Variants in NHS observed in about 807,000 individuals in gnomAD.
NHS encodes NHS actin remodeling regulator, also known as actin remodeling regulator NHS.
A neutral mutation model predicts 72.5 loss-of-function variants in NHS; 5 were observed. The ratio of observed to expected loss-of-function variants is 0.07; its 90% CI spans 0.04 to 0.14. The LOEUF (loss-of-function observed/expected upper bound fraction) is 0.14. NHS is among the 10% of genes least tolerant of loss of function. The pLI, the probability that NHS is intolerant of heterozygous loss-of-function variation, is 1.00. For synonymous variants in NHS, 464 were observed against 547.7 expected, an observed-to-expected ratio of 0.85 and a Z score of 2.13; for missense variants, 1,072 against 1,355.7, an observed-to-expected ratio of 0.79 and a Z score of 3.29.
At chrX:17,450,178 T>C (rs899249475) in intron 1 of NHS, among the ~76,000 whole-genome samples, 2 of 111,696 alleles carry the variant, frequency 1.8e-5, no homozygotes, top group East Asian at 5.6e-4. Context: ...CGTACCAGGA[T>C]TCTCACTTTC....
chrX:17,454,689 G>A (rs1383123800), intron 1 of NHS, among the ~76,000 whole-genome samples: 1 of 112,097 alleles, frequency 8.9e-6, no homozygotes, highest in Non-Finnish European at 1.9e-5. Flanking sequence ...TCAGTATTAA[G>A]TTGCCTTCTA....
chrX:17,470,501 G>A (rs1253268862), intron 1 of NHS, among the ~76,000 whole-genome samples: 1 of 111,588 alleles, frequency 9.0e-6, no homozygotes, highest in African/African-American at 3.3e-5. Context: ...GTAATCCTTC[G>A]TGCTTACCCT....
intron 1 of NHS, among the ~76,000 whole-genome samples, chrX:17,551,052 A>G (rs919328092): frequency 8.9e-6 from 1 of 111,764 alleles, no homozygotes; most frequent in African/African-American, 3.3e-5. Context: ...TATGTCCTTC[A>G]GAATTCACCT....
chrX:17,710,382 A>G (rs1343295826), intron 3 of NHS, among the ~76,000 whole-genome samples: 1 of 112,550 alleles, frequency 8.9e-6, no homozygotes, highest in Non-Finnish European at 1.9e-5. Context: ...TCAGGTTGAC[A>G]TTCTGTTGCA....
chrX:17,617,993 G>A (rs2065754727), intron 1 of NHS, among the ~76,000 whole-genome samples: 2 of 112,160 alleles, frequency 1.8e-5, no homozygotes, highest in African/African-American at 6.5e-5. Context: ...TGTGAAAAAT[G>A]TGTGCAGGCC....
intron 1 of NHS, among the ~76,000 whole-genome samples, chrX:17,671,941 CA>C (rs1569305493): frequency 9.0e-6 from 1 of 111,702 alleles, no homozygotes; most frequent in Non-Finnish European, 1.9e-5. Flanking sequence ...GGTAAGATAC[CA>C]AAGCACTGGA....
At chrX:17,587,307 C>T (rs901456684) in intron 1 of NHS, 1 of 112,088 alleles carries the variant, frequency 8.9e-6, no homozygotes, top group African/African-American at 3.2e-5. Flanking sequence ...AGTGTTCCTT[C>T]CCTTCCTCAC....
chrX:17,690,635 C>A (rs764077368), intron 2 of NHS, among the ~76,000 whole-genome samples: 1 of 112,120 alleles, frequency 8.9e-6, no homozygotes, highest in South Asian at 3.8e-4. Context: ...GTATGCTGCC[C>A]ACAAGGAATC....
intron 1 of NHS, among the ~76,000 whole-genome samples, chrX:17,656,232 G>A (rs2065954493): frequency 8.8e-6 from 1 of 113,100 alleles, no homozygotes; most frequent in African/African-American, 3.2e-5. Context: ...TTCTGCACCA[G>A]GGGAACGATG....
chrX:17,660,876 C>T (rs1278330719), intron 1 of NHS, among the ~76,000 whole-genome samples: 1 of 112,600 alleles, frequency 8.9e-6, no homozygotes, highest in Non-Finnish European at 1.9e-5. Context: ...AAGGTAAAGT[C>T]TGAAGCTTCT....
At chrX:17,390,490 A>G (rs2064438925) in intron 1 of NHS, among the ~76,000 whole-genome samples, 1 of 110,571 alleles carries the variant, frequency 9.0e-6, no homozygotes, top group African/African-American at 3.3e-5. Context: ...GCAGGAATAA[A>G]TACCACAGAA....
At chrX:17,539,893 G>T (rs2065254420) in intron 1 of NHS, among the ~76,000 whole-genome samples, 1 of 112,247 alleles carries the variant, frequency 8.9e-6, no homozygotes, top group Non-Finnish European at 1.9e-5. Flanking sequence ...CTTGTCACCT[G>T]CCTCAGCAAA....
intron 1 of NHS, among the ~76,000 whole-genome samples, chrX:17,566,544 A>G (rs148448385): frequency 0.026 from 2,934 of 111,242 alleles, 87 homozygotes; most frequent in Admixed American, 0.072. Context: ...TTCCTCAGTA[A>G]ATTTATGGAC....
Position 17,731,917 on chromosome X carries a change from C to T in NHS, c.4409C>T (p.Ser1470Leu), listed in dbSNP as rs950785993. 17 of 1,210,285 alleles carry T rather than the reference C, an allele frequency of 1.4e-5. No individual in the cohort carries two copies. Among genetic ancestry groups the T allele is most frequent in the Non-Finnish European group, 1.8e-5 (16 of 894,569 alleles). ...GGGGACATGTCTGTTCGAAGCAAATCGAGAGCTCCCCTCAGCAGTAGCAGC... is the reference window on the plus strand; with the variant it reads ...GGGGACATGTCTGTTCGAAGCAAATTGAGAGCTCCCCTCAGCAGTAGCAGC... ...DSGDMSVRSK[S>L]RAPLSSSSSS... is the part of the protein sequence containing the mutation. The change falls in exon 9 of 9, where the codon TCG becomes TTG. Residue 1470 changes from serine (S) to leucine (L), a missense_variant. Physicochemically the swap from Ser to Leu is moderately radical, Grantham distance 145. Transcript: ENST00000676302.
intron 1 of NHS, among the ~76,000 whole-genome samples, chrX:17,535,534 C>T (rs2065218924): frequency 9.0e-6 from 1 of 111,290 alleles, no homozygotes; most frequent in South Asian, 3.8e-4. Flanking sequence ...TAGCGCCCAC[C>T]ATGGTATATT....
At chrX:17,618,566 G>A (rs1425596784) in intron 1 of NHS, among the ~76,000 whole-genome samples, 1 of 111,788 alleles carries the variant, frequency 8.9e-6, no homozygotes, top group Non-Finnish European at 1.9e-5. Context: ...GCTCACTTTG[G>A]AATAGAGACA....
chrX:17,593,397 C>T (rs1252207367), intron 1 of NHS, among the ~76,000 whole-genome samples: 2 of 110,775 alleles, frequency 1.8e-5, no homozygotes, highest in East Asian at 5.7e-4. Flanking sequence ...TGGGAAGGAA[C>T]ATATTTTGGA....
chrX:17,684,900 C>A (rs1405718583), intron 1 of NHS, among the ~76,000 whole-genome samples: 3 of 111,731 alleles, frequency 2.7e-5, no homozygotes, highest in African/African-American at 9.8e-5. Context: ...TTGCTTTGTT[C>A]CATTTTTATG....
At chrX:17,641,311 G>A (rs779052499) in intron 1 of NHS, among the ~76,000 whole-genome samples, 107 of 111,708 alleles carry the variant, frequency 9.6e-4, no homozygotes, top group Middle Eastern at 4.6e-3. Context: ...TTATAGGAGG[G>A]TGGCAGGCCC....
Sources: gnomAD v4.1 joint callset for allele counts (sites outside exome capture counted in the v4.1 genomes callset) on GRCh38, gnomAD v4.1.1 for gene constraint, MANE v1.5 for transcripts, NCBI Gene and HGNC (gene_info 2026-07-23, HGNC 2026-07-21) for gene names.